FOXK1: variants seen among roughly 807,000 people sequenced by gnomAD.
The protein encoded by FOXK1 is forkhead box K1, also known as forkhead box protein K1.
FOXK1 carries 19 observed loss-of-function variants against 51.9 expected under a neutral mutation model. The ratio of observed to expected loss-of-function variants is 0.37; its 90% confidence interval spans 0.26 to 0.54. The LOEUF is 0.54. Among genes scored for constraint, FOXK1 ranks in the 20% least tolerant of loss-of-function variants. The pLI, the probability that FOXK1 is intolerant of heterozygous loss-of-function variation, is 0.87. For missense variants in FOXK1, 870 were observed against 1,032.7 expected (o/e 0.84, Z 2.16); for synonymous variants, 537 against 482.6 (o/e 1.11, Z -1.48).
rs1448780334 is a variant in FOXK1, at chr7:4,758,867, C to G, written c.1245-184C>G. The G allele has an allele frequency of 4.8e-6, 3 of 629,074 alleles. No individual in the cohort carries two copies. The highest frequency in any genetic ancestry group is 8.1e-6 in the Non-Finnish European group (3 of 368,424). The allele number at this position is 629,074 out of a possible 1,614,324, so 39.0% of individuals were successfully genotyped here. ...GAGCCTCCCCCATGCAGCCCCCACT[C>G]AAATGGAGTTTTAAAGGCTGGGTTC... On this transcript the variant is annotated intron_variant, in intron 5 of 8. Coordinates refer to ENST00000328914, the MANE Select transcript of FOXK1 (RefSeq NM_001037165.2). This position sits in a 1 kb window ranked among gnomAD's most constrained non-coding sequence, Gnocchi z 4.4.
rs1309413853 is a variant in FOXK1 at position 4,722,096 on chromosome 7, C to G, written c.561-18742C>G. ...GCCTCATGCCTGTGGGTGGGACGTG[C>G]TAGAGGAGGGGACTTTGGTGGGGCC... On this transcript the variant is annotated intron_variant, in intron 1 of 8. Coordinates refer to ENST00000328914, the MANE Select transcript of FOXK1 (RefSeq NM_001037165.2). This position sits in a 1 kb window ranked among gnomAD's most constrained non-coding sequence, Gnocchi z 5.1. Among the ~76,000 whole-genome samples, 2 of 152,170 alleles carry G rather than the reference C, an allele frequency of 1.3e-5. No homozygotes were observed. The highest frequency in any genetic ancestry group is 3.9e-4 in the East Asian group (2 of 5,190).
Position 4,692,955 on chromosome 7 carries a change from T to G in FOXK1, c.560+10087T>G, listed in dbSNP as rs140361275. ...GGTCTTGCCGCGTTTCCCTGACTGG[T>G]CTCAAACTCCTGGCCTTAAGTCATC... is the stretch of plus-strand genomic sequence containing the variant. On this transcript the variant is annotated intron_variant, in intron 1 of 8. Coordinates refer to ENST00000328914, the MANE Select transcript of FOXK1 (RefSeq NM_001037165.2). Among the ~76,000 whole-genome samples the G allele has an allele frequency of 9.2e-5, 14 of 152,238 alleles. No individual in the cohort carries two copies. The East Asian group carries it at 2.7e-3, about 29-fold the overall frequency.
chr7:4,753,932 C>G lies in FOXK1; in HGVS notation c.747-527C>G, dbSNP rs1456701059. ...TGCAGGGGTCATCTCTTCCCGAGGG[C>G]GGTGTCTCCAGGAGAGCCACCTGCC... is the stretch of plus-strand genomic sequence containing the variant. On this transcript the variant is annotated intron_variant, in intron 2 of 8. Coordinates refer to ENST00000328914, the MANE Select transcript of FOXK1 (RefSeq NM_001037165.2). This position sits in a 1 kb window ranked among gnomAD's most constrained non-coding sequence, Gnocchi z 4.9. Among the ~76,000 whole-genome samples the G allele has an allele frequency of 6.6e-6, 1 of 152,186 alleles. No homozygotes were observed. Among genetic ancestry groups the G allele is most frequent in the Non-Finnish European group, 1.5e-5 (1 of 68,020 alleles).
chr7:4,721,589 C>CTT lies in FOXK1; in HGVS notation c.561-19231_561-19230dup, dbSNP rs200132324. 7.8e-3 allele frequency among the ~76,000 whole-genome samples: 876 copies of CTT among 112,622 alleles called. 19 individuals are homozygous for CTT. Among genetic ancestry groups the CTT allele is most frequent in the African/African-American group, 0.022 (548 of 25,476 alleles). The allele number at this position is 112,622 out of a possible 152,430, so 73.9% of individuals were successfully genotyped here. On this transcript the variant is annotated intron_variant, in intron 1 of 8. Coordinates refer to ENST00000328914, the MANE Select transcript of FOXK1 (RefSeq NM_001037165.2). ...TTTCTCTTTTCTTTTTCTTTTTTTT[C>CTT]TTTTTTTTTTTTTTTTTTTGAGTCA...
rs1780731500 is a variant in FOXK1 at position 4,748,265 on chromosome 7, G to GA, written c.747-6193dup. Among the ~76,000 whole-genome samples, 1 of 152,156 alleles carries GA rather than the reference G, an allele frequency of 6.6e-6. No homozygotes were observed. The highest frequency in any genetic ancestry group is 1.5e-5 in the Non-Finnish European group (1 of 68,042). ...GTGTCTCTGAGTCGTATTCGTACGT[G>GA]ACTGTCTCTTGGTTTTTCCGTTTTA... On this transcript the variant is annotated intron_variant, in intron 2 of 8. Coordinates refer to ENST00000328914, the MANE Select transcript of FOXK1 (RefSeq NM_001037165.2). The surrounding 1 kb of genome is among the most constrained non-coding windows in gnomAD (Gnocchi z 4.9).
At chr7:4,696,453 A>G (rs1358061990) in intron 1 of FOXK1, among the ~76,000 whole-genome samples, 2 of 152,116 alleles carry the variant, frequency 1.3e-5, no homozygotes, top group Non-Finnish European at 2.9e-5. Flanking sequence ...TCTGTCGTCT[A>G]CCCGTCACAC....
At position 4,767,512 on chromosome 7, in the gene FOXK1, C is replaced by T. The variant is rs1201142677; in HGVS notation, c.*5048C>T. The T allele has an allele frequency of 6.6e-6, 1 of 152,230 alleles. No individual in the cohort carries two copies. Among genetic ancestry groups the T allele is most frequent in the African/African-American group, 2.4e-5 (1 of 41,462 alleles). 9.4% of individuals were successfully genotyped at this position (152,230 alleles called of 1,614,324 possible). ...AATATTATTTAATGAGAATACTTTACATTGCTCACATGTGCTGCTATGAAG... is the reference window on the plus strand; with the variant it reads ...AATATTATTTAATGAGAATACTTTATATTGCTCACATGTGCTGCTATGAAG... On this transcript the variant is annotated 3_prime_UTR_variant, in exon 9 of 9. Transcript: ENST00000328914. The surrounding 1 kb of genome is among the most constrained non-coding windows in gnomAD (Gnocchi z 6.6).
At position 4,707,838 on chromosome 7, in the gene FOXK1, C is replaced by T. The variant is rs577708277; in HGVS notation, c.560+24970C>T. On this transcript the variant is annotated intron_variant, in intron 1 of 8. Transcript: ENST00000328914. This position sits in a 1 kb window ranked among gnomAD's most constrained non-coding sequence, Gnocchi z 4.1. ...TAGCTGGGATGATAGGGCCCGCCAC[C>T]GTGTCCGGCTAATTTTTGTATTTTT... Among the ~76,000 whole-genome samples, 4 of 152,072 alleles carry T rather than the reference C, an allele frequency of 2.6e-5. No individual in the cohort carries two copies. The highest frequency in any genetic ancestry group is 4.4e-5 in the Non-Finnish European group (3 of 68,024).
intron 2 of FOXK1, among the ~76,000 whole-genome samples, chr7:4,750,956 G>C (rs185560568): frequency 2.6e-5 from 4 of 151,556 alleles, no homozygotes; most frequent in African/African-American, 9.7e-5. Flanking sequence ...TGCCCACCTC[G>C]GCCCCCTCAA....
Position 4,745,595 on chromosome 7 carries a change from CT to C in FOXK1, c.746+4577del, listed in dbSNP as rs1428148659. On this transcript the variant is annotated intron_variant, in intron 2 of 8. Transcript: ENST00000328914. The surrounding 1 kb of genome is among the most constrained non-coding windows in gnomAD (Gnocchi z 4.3). ...TAGCAGAAGTTTGACCTTTTCTTTC[CT>C]TTTTGCAAAGAAGGATTTTTACAGG... 6.6e-6 allele frequency among the ~76,000 whole-genome samples: 1 copy of C among 151,976 alleles called. No individual in the cohort carries two copies. The highest frequency in any genetic ancestry group is 6.6e-5 in the Admixed American group (1 of 15,258).
intron 1 of FOXK1, among the ~76,000 whole-genome samples, chr7:4,700,591 G>A (rs1330498069): frequency 6.6e-6 from 1 of 152,086 alleles, no homozygotes; most frequent in East Asian, 1.9e-4. Context: ...CGAGGTGGGA[G>A]GATCGCTTGA....
chr7:4,760,797 G>C (rs1373053825), intron 7 of FOXK1, among the ~76,000 whole-genome samples: 1 of 152,202 alleles, frequency 6.6e-6, no homozygotes, highest in East Asian at 1.9e-4. Flanking sequence ...GTTGCAGTGA[G>C]CCGAGATGGC....
chr7:4,744,148 G>A (rs1020578200), intron 2 of FOXK1, among the ~76,000 whole-genome samples: 1 of 152,140 alleles, frequency 6.6e-6, no homozygotes, highest in African/African-American at 2.4e-5. Context: ...CTATTTCCCA[G>A]TGTTAATCCA....
At position 4,729,198 on chromosome 7, in the gene FOXK1, G is replaced by T. The variant is rs113658870; in HGVS notation, c.561-11640G>T. ...GGTGGGGAGCGGAGGTGATTTCGGA[G>T]CCTACTCTCCGATCCTCAGGATCCT... On this transcript the variant is annotated intron_variant, in intron 1 of 8. Coordinates refer to ENST00000328914, the MANE Select transcript of FOXK1 (RefSeq NM_001037165.2). The surrounding 1 kb of genome is among the most constrained non-coding windows in gnomAD (Gnocchi z 6.2). 6.6e-6 allele frequency among the ~76,000 whole-genome samples: 1 copy of T among 152,162 alleles called. No homozygotes were observed. The highest frequency in any genetic ancestry group is 1.5e-5 in the Non-Finnish European group (1 of 68,022).
rs1399411517 is a variant in FOXK1 at position 4,735,169 on chromosome 7, C to T, written c.561-5669C>T. 1.3e-5 allele frequency among the ~76,000 whole-genome samples: 2 copies of T among 152,050 alleles called. No homozygotes were observed. The highest frequency in any genetic ancestry group is 6.6e-5 in the Admixed American group (1 of 15,246). On this transcript the variant is annotated intron_variant, in intron 1 of 8. Transcript: ENST00000328914. The surrounding 1 kb of genome is among the most constrained non-coding windows in gnomAD (Gnocchi z 4.7). ...GGTGGAGCGGTGGCCAGTTCCAGCT[C>T]GCTGTGTAGAGACGGCTCTGTGGTC... is the stretch of plus-strand genomic sequence containing the variant.
intron 1 of FOXK1, among the ~76,000 whole-genome samples, chr7:4,693,134 C>T (rs1321653721): frequency 1.3e-5 from 2 of 152,200 alleles, no homozygotes; most frequent in Non-Finnish European, 2.9e-5. Flanking sequence ...GATTTTGTAA[C>T]ATCATACATT....
Position 4,682,387 on chromosome 7 carries a change from GCCGCAGCCGCCGCCGCCGCCTTCC to G in FOXK1, c.84_107del (p.Ala31_Ala38del). 1.0e-6 allele frequency: 1 copy of G among 981,794 alleles called. No homozygotes were observed. The highest frequency in any genetic ancestry group is 1.2e-6 in the Non-Finnish European group (1 of 829,024). The allele number at this position is 981,794 out of a possible 1,614,324, so 60.8% of individuals were successfully genotyped here. On this transcript the variant is annotated inframe_deletion, in exon 1 of 9. Transcript: ENST00000328914. This position sits in a 1 kb window ranked among gnomAD's most constrained non-coding sequence, Gnocchi z 7.6. ...GGCGCCCTGCAGCCCAGTGCTGTGC[GCCGCAGCCGCCGCCGCCGCCTTCC>G]CCGCGGCCGCACCCCCGCCGGCCCC...
chr7:4,701,630 C>T lies in FOXK1; in HGVS notation c.560+18762C>T, dbSNP rs916056013. 1.4e-4 allele frequency among the ~76,000 whole-genome samples: 22 copies of T among 152,282 alleles called. 1 individual carries two copies. The highest frequency in any genetic ancestry group is 5.1e-4 in the African/African-American group (21 of 41,560). On this transcript the variant is annotated intron_variant, in intron 1 of 8. Coordinates refer to ENST00000328914, the MANE Select transcript of FOXK1 (RefSeq NM_001037165.2). Reference sequence around the variant, plus strand: ...GTAAAAGGCCAGGCGCAGTGGCTCACGCCTGTAATCCCAGCACTTTGGGAG... The same window carrying T: ...GTAAAAGGCCAGGCGCAGTGGCTCATGCCTGTAATCCCAGCACTTTGGGAG...
chr7:4,693,886 A>G (rs1174913283), intron 1 of FOXK1, among the ~76,000 whole-genome samples: 2 of 151,960 alleles, frequency 1.3e-5, no homozygotes, highest in East Asian at 3.9e-4. Flanking sequence ...AAAAAATAAC[A>G]AAAGTTTTTT....
Sources: gnomAD v4.1 joint callset for allele counts (sites outside exome capture counted in the v4.1 genomes callset) on GRCh38, gnomAD v4.1.1 for gene constraint, Gnocchi (gnomAD v3.1) non-coding constraint, MANE v1.5 for transcripts, NCBI Gene and HGNC (gene_info 2026-07-23, HGNC 2026-07-21) for gene names.